The following BMP6 variants were observed in gnomAD, a reference collection of about 807,000 sequenced individuals.
The protein encoded by BMP6 is bone morphogenetic protein 6, also known as VG-1-R.
In BMP6, 17 loss-of-function variants were observed where a neutral mutation model predicts 54.1. The observed-to-expected ratio is 0.31, with a 90% CI of 0.22 to 0.47. BMP6 has a LOEUF of 0.47. BMP6 is among the 20% of genes least tolerant of loss of function. The pLI, the probability that BMP6 is intolerant of heterozygous loss-of-function variation, is 1.00. For synonymous variants in BMP6, 328 were observed against 291.2 expected, an observed-to-expected ratio of 1.13 and a Z score of -1.28; for missense variants, 720 against 690.4, an observed-to-expected ratio of 1.04 and a Z score of -0.48.
intron 1 of BMP6, among the ~76,000 whole-genome samples, chr6:7,830,548 G>A (rs977061945): frequency 6.6e-6 from 1 of 152,146 alleles, no homozygotes; most frequent in African/African-American, 2.4e-5. Flanking sequence ...GGAATCAATG[G>A]CTGAGAAGGA....
chr6:7,765,933 C>G (rs1399086958), intron 1 of BMP6, among the ~76,000 whole-genome samples: 1 of 152,224 alleles, frequency 6.6e-6, no homozygotes, highest in Non-Finnish European at 1.5e-5. Flanking sequence ...ACATTTCCTT[C>G]TCTGACTCTC....
chr6:7,781,318 A>G (rs1238129841), intron 1 of BMP6, among the ~76,000 whole-genome samples: 1 of 152,012 alleles, frequency 6.6e-6, no homozygotes, highest in African/African-American at 2.4e-5. Flanking sequence ...AAATGACAAA[A>G]CCCATGCTCG....
At chr6:7,784,888 G>A (rs374758372) in intron 1 of BMP6, among the ~76,000 whole-genome samples, 5 of 152,286 alleles carry the variant, frequency 3.3e-5, no homozygotes, top group Admixed American at 2.0e-4. Flanking sequence ...CAGAGTTTAC[G>A]CTGAGGAAGT....
chr6:7,846,749 T>C lies in BMP6; in HGVS notation c.857+1417T>C, dbSNP rs984963807. Among the ~76,000 whole-genome samples, 6 of 152,330 alleles carry C rather than the reference T, an allele frequency of 3.9e-5. No homozygotes were observed. The South Asian group carries it at 1.2e-3, about 32-fold the overall frequency. On this transcript the variant is annotated intron_variant, in intron 2 of 6. Transcript: ENST00000283147. ...GTGGCTATACTACTGAGGGCCTCTT[T>C]TGAAAAGTACATTTTTTGTTGCTAG...
chr6:7,828,271 A>G (rs1758732531), intron 1 of BMP6, among the ~76,000 whole-genome samples: 1 of 152,244 alleles, frequency 6.6e-6, no homozygotes, highest in Admixed American at 6.5e-5. Context: ...CTCCAAGAAC[A>G]GTCCTGGGAG....
At chr6:7,783,364 C>T (rs1286400506) in intron 1 of BMP6, among the ~76,000 whole-genome samples, 1 of 152,170 alleles carries the variant, frequency 6.6e-6, no homozygotes, top group East Asian at 1.9e-4. Flanking sequence ...CTGTTCCTGT[C>T]CTCTATGACG....
At chr6:7,728,513 C>T (rs572274941) in intron 1 of BMP6, among the ~76,000 whole-genome samples, 2 of 152,194 alleles carry the variant, frequency 1.3e-5, no homozygotes, top group East Asian at 1.9e-4. Context: ...CTTTCTCCCC[C>T]CTCCCACCCC....
chr6:7,830,830 CTGT>C lies in BMP6; in HGVS notation c.665-14309_665-14307del, dbSNP rs1471075023. Among the ~76,000 whole-genome samples the C allele has an allele frequency of 6.5e-3, 996 of 152,284 alleles. 23 individuals carry two copies. Among genetic ancestry groups the C allele is most frequent in the African/African-American group, 0.023 (947 of 41,566 alleles). ...GGGAAAACCCACCCCCACGATTCAACTGTCTCCCACCAGGTACCTCCCACAACA... is the reference window on the plus strand; with the variant it reads ...GGGAAAACCCACCCCCACGATTCAACCTCCCACCAGGTACCTCCCACAACA... On this transcript the variant is annotated intron_variant, in intron 1 of 6. Transcript: ENST00000283147.
intron 2 of BMP6, among the ~76,000 whole-genome samples, chr6:7,855,963 T>A (rs1759224178): frequency 6.6e-6 from 1 of 152,032 alleles, no homozygotes; most frequent in Non-Finnish European, 1.5e-5. Flanking sequence ...AAACACCATG[T>A]TAAGGTTTGC....
chr6:7,761,339 T>C (rs999516060), intron 1 of BMP6, among the ~76,000 whole-genome samples: 15 of 152,254 alleles, frequency 9.9e-5, no homozygotes, highest in African/African-American at 3.6e-4. Flanking sequence ...TAGTAAGTTT[T>C]CCAGTAGAGT....
chr6:7,862,603 T>C, intron 4 of BMP6, 105 bp downstream of exon 4: 1 of 1,430,344 alleles, frequency 7.0e-7, no homozygotes, highest in African/African-American at 1.4e-5. Flanking sequence ...GCACAGCAAA[T>C]CCAAAGGCAA....
At chr6:7,753,532 A>G (rs923353296) in intron 1 of BMP6, among the ~76,000 whole-genome samples, 25 of 152,244 alleles carry the variant, frequency 1.6e-4, no homozygotes, top group Admixed American at 3.3e-4. Flanking sequence ...CTCCTTCTGC[A>G]CAGCGGTAAC....
At chr6:7,872,835 C>G (rs1303614976) in intron 4 of BMP6, among the ~76,000 whole-genome samples, 3 of 125,268 alleles carry the variant, frequency 2.4e-5, no homozygotes, top group Admixed American at 1.8e-4. Flanking sequence ...TTTTTTGAGA[C>G]AGGGTCTTGC....
At position 7,880,036 on chromosome 6, in the gene BMP6, G is replaced by A. The variant is rs1013584014; in HGVS notation, c.1327G>A (p.Gly443Arg). The A allele has an allele frequency of 6.2e-7, 1 of 1,614,092 alleles. No individual in the cohort carries two copies. Among genetic ancestry groups the A allele is most frequent in the African/African-American group, 1.3e-5 (1 of 74,918 alleles). ...GGGCTATGCTGCCAATTACTGTGATGGAGAATGCTCCTTCCCACTCAACGC... is the reference window on the plus strand; with the variant it reads ...GGGCTATGCTGCCAATTACTGTGATAGAGAATGCTCCTTCCCACTCAACGC... The part of the protein sequence containing the change: ...PKGYAANYCD[G>R]ECSFPLNAHM... Residue 443 changes from glycine (G) to arginine (R), a missense_variant, in exon 6 of 7, where the codon GGA (glycine) becomes AGA (arginine). By Grantham distance (125) the Gly-to-Arg change is moderately radical (BLOSUM62 -2). Transcript: ENST00000283147.
chr6:7,854,641 C>G (rs964497613), intron 2 of BMP6, among the ~76,000 whole-genome samples: 1 of 152,144 alleles, frequency 6.6e-6, no homozygotes, highest in South Asian at 2.1e-4. Flanking sequence ...TACTAAAATA[C>G]AAAACTTAGT....
chr6:7,774,439 A>G (rs1757834080), intron 1 of BMP6, among the ~76,000 whole-genome samples: 1 of 152,238 alleles, frequency 6.6e-6, no homozygotes, highest in African/African-American at 2.4e-5. Flanking sequence ...AATCCCAGCT[A>G]CTCAGAAGGC....
intron 1 of BMP6, among the ~76,000 whole-genome samples, chr6:7,762,887 G>A (rs957209435): frequency 2.2e-4 from 33 of 152,336 alleles, no homozygotes; most frequent in African/African-American, 4.8e-4. Flanking sequence ...GCCGTGCGAC[G>A]CAGATGTGCA....
intron 1 of BMP6, among the ~76,000 whole-genome samples, chr6:7,732,564 GCTTTAGCATAT>G (rs1446437319): frequency 1.3e-5 from 2 of 152,180 alleles, no homozygotes; most frequent in Admixed American, 6.5e-5. Context: ...CTCAGTGCTT[GCTTTAGCATAT>G]AATTTGTTGC....
intron 1 of BMP6, among the ~76,000 whole-genome samples, chr6:7,738,182 C>T (rs1369059329): frequency 6.6e-6 from 1 of 152,202 alleles, no homozygotes; most frequent in Non-Finnish European, 1.5e-5. Flanking sequence ...AATGCCCTGA[C>T]AAGGCCAGAA....
Sources: gnomAD v4.1 joint callset for allele counts (sites outside exome capture counted in the v4.1 genomes callset) on GRCh38, gnomAD v4.1.1 for gene constraint, MANE v1.5 for transcripts, NCBI Gene and HGNC (gene_info 2026-07-23, HGNC 2026-07-21) for gene names.